IRF2: variants seen among roughly 807,000 people sequenced by gnomAD.
The protein encoded by IRF2 is interferon regulatory factor 2.
A neutral mutation model predicts 40.6 loss-of-function variants in IRF2; 15 were observed. That is an observed-to-expected ratio of 0.37 (90% confidence interval 0.25 to 0.57). The LOEUF (loss-of-function observed/expected upper bound fraction) is 0.57. Among genes scored for constraint, IRF2 ranks in the 20% least tolerant of loss-of-function variants. The probability of loss-of-function intolerance (pLI) is 0.77; values close to 1 mark genes in which losing one functional copy is unlikely to be tolerated. For synonymous variants in IRF2, 151 were observed against 165.5 expected, an observed-to-expected ratio of 0.91 and a Z score of 0.67; for missense variants, 317 against 455.7, an observed-to-expected ratio of 0.70 and a Z score of 2.77.
At chr4:184,437,896 G>C (rs1738145572) in intron 1 of IRF2, among the ~76,000 whole-genome samples, 1 of 151,586 alleles carries the variant, frequency 6.6e-6, no homozygotes, top group Non-Finnish European at 1.5e-5. Flanking sequence ...GCAGTGTTTA[G>C]TAGTAATTTT....
chr4:184,419,144 GAC>G (rs1357843907), intron 3 of IRF2, among the ~76,000 whole-genome samples: 1 of 152,226 alleles, frequency 6.6e-6, no homozygotes, highest in African/African-American at 2.4e-5. Flanking sequence ...AGGTATTTCT[GAC>G]TACCTTTTTG....
chr4:184,396,953 A>AAACAAC (rs200397606), intron 7 of IRF2, among the ~76,000 whole-genome samples: 1 of 152,044 alleles, frequency 6.6e-6, no homozygotes, highest in South Asian at 2.1e-4. Flanking sequence ...CAACAACAAC[A>AAACAAC]AACAACAACA....
At chr4:184,409,490 G>T (rs1336407975) in intron 5 of IRF2, among the ~76,000 whole-genome samples, 1 of 152,124 alleles carries the variant, frequency 6.6e-6, no homozygotes, top group Non-Finnish European at 1.5e-5. Flanking sequence ...TGTCCCGAAG[G>T]TCCAGCGTAA....
chr4:184,447,165 G>C (rs1738542255), intron 1 of IRF2, among the ~76,000 whole-genome samples: 1 of 152,010 alleles, frequency 6.6e-6, no homozygotes, highest in South Asian at 2.1e-4. Flanking sequence ...GCTGGGGCAG[G>C]GAAAGCAAAA....
At chr4:184,396,436 CTTTTT>C (rs749998648) in intron 7 of IRF2, among the ~76,000 whole-genome samples, 1 of 134,724 alleles carries the variant, frequency 7.4e-6, no homozygotes, top group Non-Finnish European at 1.6e-5. Context: ...ATTTTTTTTT[CTTTTT>C]TTTTTTTTTT....
rs1736953764 is a variant in IRF2 at position 184,408,652 on chromosome 4, T to C, written c.412-377A>G. On this transcript the variant is annotated intron_variant, in intron 5 of 8. Transcript: ENST00000393593. This position sits in a 1 kb window ranked among gnomAD's most constrained non-coding sequence, Gnocchi z 4.9. ...CTGAGGGGGTGCTCAAAAGAATCAA[T>C]GCCTGGCTTTCACCAGGGAGGAATC... is the stretch of plus-strand genomic sequence containing the variant. Among the ~76,000 whole-genome samples the C allele has an allele frequency of 6.6e-6, 1 of 152,274 alleles. No homozygotes were observed. Among genetic ancestry groups the C allele is most frequent in the Non-Finnish European group, 1.5e-5 (1 of 68,048 alleles).
At chr4:184,443,869 G>A (rs1263463693) in intron 1 of IRF2, among the ~76,000 whole-genome samples, 1 of 152,196 alleles carries the variant, frequency 6.6e-6, no homozygotes, top group Middle Eastern at 3.2e-3. Context: ...CTGCTGAGAT[G>A]ACAGCCCTAG....
At chr4:184,466,279 G>A (rs1739316451) in intron 1 of IRF2, among the ~76,000 whole-genome samples, 5 of 152,036 alleles carry the variant, frequency 3.3e-5, no homozygotes. Context: ...TTGAACTCCT[G>A]ACCTCAGGAA....
At chr4:184,414,056 CA>C (rs1234183569) in intron 5 of IRF2, among the ~76,000 whole-genome samples, 1 of 152,226 alleles carries the variant, frequency 6.6e-6, no homozygotes, top group Non-Finnish European at 1.5e-5. Flanking sequence ...CTCTGTAAAG[CA>C]ATGCAGCCTT....
intron 2 of IRF2, among the ~76,000 whole-genome samples, chr4:184,421,904 T>G (rs1425551): frequency 0.38 from 58,453 of 152,026 alleles, 12,431 homozygotes; most frequent in Non-Finnish European, 0.5. Context: ...GTGTTAAAAT[T>G]TGATCGCTAG....
chr4:184,436,764 A>T (rs1738094707), intron 1 of IRF2, among the ~76,000 whole-genome samples: 1 of 152,242 alleles, frequency 6.6e-6, no homozygotes, highest in Non-Finnish European at 1.5e-5. Flanking sequence ...TGTCTTATGC[A>T]CCAACAGGGG....
intron 1 of IRF2, among the ~76,000 whole-genome samples, chr4:184,433,505 G>T (rs970772353): frequency 6.6e-6 from 1 of 152,062 alleles, no homozygotes; most frequent in African/African-American, 2.4e-5. Context: ...CAGCCAAACC[G>T]CAAACTTATT....
chr4:184,444,067 G>GTGGCTGGAGTC (rs1360608819), intron 1 of IRF2, among the ~76,000 whole-genome samples: 3 of 152,160 alleles, frequency 2.0e-5, no homozygotes, highest in Non-Finnish European at 2.9e-5. Flanking sequence ...ATGACTCCAG[G>GTGGCTGGAGTC]ACAGCACAGC....
intron 8 of IRF2, among the ~76,000 whole-genome samples, chr4:184,390,298 G>A (rs775335069): frequency 3.3e-5 from 5 of 152,184 alleles, no homozygotes; most frequent in Admixed American, 3.3e-4. Context: ...GGGAACCCAC[G>A]CACACGTGGA....
chr4:184,447,559 T>G (rs1738558756), intron 1 of IRF2, among the ~76,000 whole-genome samples: 1 of 152,156 alleles, frequency 6.6e-6, no homozygotes. Context: ...CACAAAATAT[T>G]TTTTATGACA....
rs73874636 is a variant in IRF2 at position 184,413,829 on chromosome 4, G to T, written c.411+4338C>A. Among the ~76,000 whole-genome samples the T allele has an allele frequency of 0.031, 4,773 of 152,276 alleles. 257 individuals carry two copies. The highest frequency in any genetic ancestry group is 0.11 in the African/African-American group (4,488 of 41,526). ...TTCTATTCGCCCCACCTACATGCCT[G>T]TATTTCCCATTGCCCTCTCACACAA... is the stretch of plus-strand genomic sequence containing the variant. On this transcript the variant is annotated intron_variant, in intron 5 of 8. Transcript: ENST00000393593. This position sits in a 1 kb window ranked among gnomAD's most constrained non-coding sequence, Gnocchi z 4.2.
At chr4:184,451,367 A>G (rs1376839040) in intron 1 of IRF2, among the ~76,000 whole-genome samples, 1 of 152,214 alleles carries the variant, frequency 6.6e-6, no homozygotes, top group African/African-American at 2.4e-5. Context: ...GGGAGATAAT[A>G]GTGGTGGTGG....
intron 2 of IRF2, among the ~76,000 whole-genome samples, chr4:184,427,229 T>G (rs995731478): frequency 3.9e-5 from 6 of 152,194 alleles, no homozygotes; most frequent in Non-Finnish European, 7.3e-5. Flanking sequence ...CCTAGAAAAA[T>G]ACATTGTGGT....
chr4:184,395,152 C>T (rs1466544708), intron 7 of IRF2, among the ~76,000 whole-genome samples: 1 of 152,122 alleles, frequency 6.6e-6, no homozygotes, highest in Non-Finnish European at 1.5e-5. Flanking sequence ...TGGCTCACGC[C>T]TGGAATCCCA....
Sources: allele counts gnomAD v4.1 joint callset (sites outside exome capture counted in the v4.1 genomes callset), GRCh38; gene constraint gnomAD v4.1.1; non-coding constraint Gnocchi (gnomAD v3.1); transcripts MANE v1.5; gene names NCBI Gene and HGNC (gene_info 2026-07-23, HGNC 2026-07-21).